BNIP3L: variants seen among roughly 807,000 people sequenced by gnomAD.
BNIP3L encodes BCL2 interacting protein 3 like.
A neutral mutation model predicts 25.5 loss-of-function variants in BNIP3L; 10 were observed. The observed-to-expected ratio is 0.39, with a 90% CI of 0.24 to 0.67. BNIP3L has a LOEUF of 0.67. Ranked by LOEUF, BNIP3L falls within the 30% of genes least tolerant of loss-of-function variation. The pLI is 0.45. For synonymous variants in BNIP3L, 113 were observed against 101.2 expected, an observed-to-expected ratio of 1.12 and a Z score of -0.70; for missense variants, 215 against 270.9, an observed-to-expected ratio of 0.79 and a Z score of 1.45.
chr8:26,383,261 G>A, intron 1 of BNIP3L, 31 bp downstream of exon 1: 1 of 1,589,120 alleles, frequency 6.3e-7, no homozygotes, highest in African/African-American at 1.3e-5. Flanking sequence ...CTGTGAAGGG[G>A]ATGGGGGAGG....
chr8:26,392,555 GGCACACTGT>G (rs1806137768), intron 2 of BNIP3L, among the ~76,000 whole-genome samples: 1 of 152,042 alleles, frequency 6.6e-6, no homozygotes, highest in Non-Finnish European at 1.5e-5. Flanking sequence ...TTGGCTCTGT[GGCACACTGT>G]GCACCCCCGC....
chr8:26,390,398 T>G (rs1217271531), intron 1 of BNIP3L: 1 of 985,284 alleles, frequency 1.0e-6, no homozygotes, highest in Non-Finnish European at 1.2e-6. Context: ...CCAAGAAAAC[T>G]TTTCGTGTTT....
chr8:26,408,457 A>G (rs1806548030), intron 5 of BNIP3L, 81 bp downstream of exon 5: 4 of 1,459,228 alleles, frequency 2.7e-6, no homozygotes, highest in Non-Finnish European at 3.7e-6. Flanking sequence ...ATGTGAAAGC[A>G]GTTTTTATTG....
At chr8:26,402,012 A>C (rs1224528722) in intron 3 of BNIP3L, among the ~76,000 whole-genome samples, 1 of 152,138 alleles carries the variant, frequency 6.6e-6, no homozygotes, top group Non-Finnish European at 1.5e-5. Flanking sequence ...ATGTTTAATG[A>C]ACCTTTGAAT....
intron 1 of BNIP3L, chr8:26,390,220 C>T: frequency 2.2e-6 from 1 of 462,222 alleles, no homozygotes; most frequent in Non-Finnish European, 2.8e-6. Flanking sequence ...TCCCAAAGTG[C>T]TGGGATTACA....
In BNIP3L at chr8:26,395,334, CAATT is replaced by C. The variant is rs557324944; in HGVS notation, c.357+35_357+38del. ...CGGGGGGATTCTGATTTACAGTAAA[CAATT>C]AAGAAAGATGTAAATTCTCTAAGTA... is the stretch of plus-strand genomic sequence containing the variant. On this transcript the variant is annotated intron_variant, in intron 3 of 5. Coordinates refer to ENST00000380629, the MANE Select transcript of BNIP3L (RefSeq NM_004331.3). 821 of 1,590,746 alleles carry C rather than the reference CAATT, an allele frequency of 5.2e-4. 2 individuals carry two copies. The African/African-American group carries it at 8.7e-3, about 17-fold the overall frequency.
At chr8:26,407,089 T>C (rs920555276) in intron 3 of BNIP3L, among the ~76,000 whole-genome samples, 1 of 151,844 alleles carries the variant, frequency 6.6e-6, no homozygotes, top group Admixed American at 6.6e-5. Context: ...TCAAGCAACC[T>C]CCACCTCCCA....
At chr8:26,409,899 A>T (rs1259987893) in intron 5 of BNIP3L, among the ~76,000 whole-genome samples, 1 of 151,714 alleles carries the variant, frequency 6.6e-6, no homozygotes, top group Non-Finnish European at 1.5e-5. Flanking sequence ...CTTAGGAGTT[A>T]TTAGTAAGAG....
rs369100652 is a variant in BNIP3L at position 26,392,171 on chromosome 8, GT to G, written c.284+762del. On this transcript the variant is annotated intron_variant, in intron 2 of 5. Coordinates refer to ENST00000380629, the MANE Select transcript of BNIP3L (RefSeq NM_004331.3). ...ATTATTTTTTAGTATAAACTTTTCT[GT>G]TTTTTTTTTTTTTTTTCAGAAGGGC... Among the ~76,000 whole-genome samples the G allele has an allele frequency of 5.4e-3, 592 of 110,364 alleles. 2 individuals are homozygous for G. Among genetic ancestry groups the G allele is most frequent in the Middle Eastern group, 9.7e-3 (2 of 206 alleles). The allele number at this position is 110,364 out of a possible 152,430, so 72.4% of individuals were successfully genotyped here. A position where few individuals can be genotyped will look rare whatever the true frequency, so the allele number is the denominator to read the frequency against.
chr8:26,401,429 G>A (rs532054208), intron 3 of BNIP3L, among the ~76,000 whole-genome samples: 46 of 151,860 alleles, frequency 3.0e-4, no homozygotes, highest in South Asian at 2.5e-3. Context: ...GGAGCGGGGA[G>A]GGGGGAAGGA....
intron 3 of BNIP3L, among the ~76,000 whole-genome samples, chr8:26,402,873 AAT>A (rs1806419799): frequency 6.6e-6 from 1 of 152,238 alleles, no homozygotes; most frequent in Admixed American, 6.5e-5. Flanking sequence ...TTAAGAACTT[AAT>A]AACTCCGTGG....
intron 1 of BNIP3L, among the ~76,000 whole-genome samples, chr8:26,385,299 A>T (rs1372660458): frequency 2.0e-5 from 3 of 149,756 alleles, no homozygotes; most frequent in Admixed American, 6.6e-5. Context: ...CAACAACAAC[A>T]AAAAGGGCTG....
Position 26,383,195 on chromosome 8 carries a change from ATGAGCAGTCTC to A in BNIP3L, c.68_78del (p.Glu23AlafsTer22). 6.2e-7 allele frequency: 1 copy of A among 1,612,446 alleles called. No individual in the cohort carries two copies. Among genetic ancestry groups the A allele is most frequent in the Non-Finnish European group, 8.5e-7 (1 of 1,179,718 alleles). The stretch of plus-strand genomic sequence containing the variant: ...AACAACAACAACAACTGCGAGGAAA[ATGAGCAGTCTC>A]TGCCCCCGCCGGCCGGCCTCAACAG... On this transcript the variant is annotated frameshift_variant, in exon 1 of 6. Transcript: ENST00000380629. LOFTEE classifies it high-confidence loss of function.
At position 26,401,310 on chromosome 8, in the gene BNIP3L, G is replaced by A. The variant is rs368969420; in HGVS notation, c.357+6008G>A. On this transcript the variant is annotated intron_variant, in intron 3 of 5. Coordinates refer to ENST00000380629, the MANE Select transcript of BNIP3L (RefSeq NM_004331.3). Reference sequence around the variant, plus strand: ...AAACCATCATTCTCAGTAAACTATCGCAAGAACAAAAAACCAAACACCGCA... The same window carrying A: ...AAACCATCATTCTCAGTAAACTATCACAAGAACAAAAAACCAAACACCGCA... Among the ~76,000 whole-genome samples, 148 of 135,584 alleles carry A rather than the reference G, an allele frequency of 1.1e-3. 1 individual carries two copies. The highest frequency in any genetic ancestry group is 7.5e-3 in the East Asian group (34 of 4,550). 88.9% of individuals were successfully genotyped at this position (135,584 alleles called of 152,430 possible). A position where few individuals can be genotyped will look rare whatever the true frequency, so the allele number is the denominator to read the frequency against.
At chr8:26,405,929 G>A (rs1191257459) in intron 3 of BNIP3L, among the ~76,000 whole-genome samples, 2 of 152,144 alleles carry the variant, frequency 1.3e-5, no homozygotes, top group Non-Finnish European at 2.9e-5. Flanking sequence ...TGTAATCCCA[G>A]CTACTCTGGA....
At chr8:26,387,243 G>A (rs953171711) in intron 1 of BNIP3L, among the ~76,000 whole-genome samples, 8 of 152,230 alleles carry the variant, frequency 5.3e-5, no homozygotes, top group Middle Eastern at 3.4e-3. Flanking sequence ...GTTAGAGAAC[G>A]GAGAAGCATT....
intron 3 of BNIP3L, among the ~76,000 whole-genome samples, chr8:26,405,245 G>C (rs898233878): frequency 6.6e-6 from 1 of 152,218 alleles, no homozygotes; most frequent in Non-Finnish European, 1.5e-5. Context: ...GGCCAAAGCA[G>C]GAAACTAAAC....
At chr8:26,408,201 C>CATCT (rs777680555) in intron 4 of BNIP3L, 26 bp from the exon 5 acceptor site, 25 of 1,612,298 alleles carry the variant, frequency 1.6e-5, no homozygotes, top group Non-Finnish European at 2.0e-5. Flanking sequence ...CAGCAAATGA[C>CATCT]ATCTGCCTCT....
chr8:26,405,477 T>C (rs1000898729), intron 3 of BNIP3L, among the ~76,000 whole-genome samples: 1 of 152,186 alleles, frequency 6.6e-6, no homozygotes, highest in Non-Finnish European at 1.5e-5. Flanking sequence ...TCAGCAGAAC[T>C]AGATAAGATT....
Sources: allele counts gnomAD v4.1 joint callset (sites outside exome capture counted in the v4.1 genomes callset), GRCh38; gene constraint gnomAD v4.1.1; transcripts MANE v1.5; gene names NCBI Gene and HGNC (gene_info 2026-07-23, HGNC 2026-07-21).